COL8A1: variants seen among roughly 807,000 people sequenced by gnomAD.
COL8A1 encodes the protein collagen alpha-1(VIII) chain.
In COL8A1, 21 loss-of-function variants were observed where a neutral mutation model predicts 42.7. The ratio of observed to expected loss-of-function variants is 0.49; its 90% confidence interval spans 0.35 to 0.71. COL8A1 has a LOEUF of 0.71. COL8A1 is among the 30% of genes least tolerant of loss of function. The pLI is 0.01. For synonymous variants in COL8A1, 367 were observed against 369.1 expected (o/e 0.99, Z 0.06); for missense variants, 788 against 962.4 (o/e 0.82, Z 2.40).
chr3:99,721,788 G>A (rs546210639), intron 1 of COL8A1, among the ~76,000 whole-genome samples: 1 of 152,116 alleles, frequency 6.6e-6, no homozygotes, highest in South Asian at 2.1e-4. Context: ...CAAGTGAAAG[G>A]GCAGAGGAAA....
chr3:99,792,142 A>T (rs1027811563), intron 3 of COL8A1, among the ~76,000 whole-genome samples: 2 of 152,182 alleles, frequency 1.3e-5, no homozygotes, highest in Non-Finnish European at 2.9e-5. Flanking sequence ...TACTATAATC[A>T]TATCTATTCA....
intron 2 of COL8A1, among the ~76,000 whole-genome samples, chr3:99,762,115 A>G (rs975755851): frequency 3.3e-5 from 5 of 152,176 alleles, no homozygotes; most frequent in Non-Finnish European, 5.9e-5. Flanking sequence ...CTTCTCAGAA[A>G]TATCATTTTT....
chr3:99,708,930 C>T (rs1607993), intron 1 of COL8A1, among the ~76,000 whole-genome samples: 104,571 of 151,634 alleles, frequency 0.69, 36,273 homozygotes, highest in East Asian at 0.75. Context: ...TCCAAATGCT[C>T]ACCTGAGAAT....
At chr3:99,658,516 C>T (rs1470051260) in intron 1 of COL8A1, among the ~76,000 whole-genome samples, 1 of 152,196 alleles carries the variant, frequency 6.6e-6, no homozygotes, top group Non-Finnish European at 1.5e-5. Context: ...AACTAACTGT[C>T]TCCATGGCTA....
chr3:99,666,067 G>T (rs1331738260), intron 1 of COL8A1, among the ~76,000 whole-genome samples: 1 of 152,014 alleles, frequency 6.6e-6, no homozygotes, highest in East Asian at 1.9e-4. Flanking sequence ...AAATCTTCTG[G>T]AAGAAACCTG....
intron 1 of COL8A1, among the ~76,000 whole-genome samples, chr3:99,701,155 C>A (rs1469760844): frequency 2.6e-5 from 4 of 152,186 alleles, no homozygotes; most frequent in African/African-American, 9.7e-5. Context: ...GCTGAGGCAA[C>A]TGGGAAACAC....
intron 1 of COL8A1, among the ~76,000 whole-genome samples, chr3:99,643,698 T>C (rs971247660): frequency 2.0e-5 from 3 of 152,232 alleles, no homozygotes. Flanking sequence ...GCCGTTTTCC[T>C]GTCTGCAATA....
chr3:99,702,768 G>C (rs1939577105), intron 1 of COL8A1, among the ~76,000 whole-genome samples: 1 of 152,204 alleles, frequency 6.6e-6, no homozygotes, highest in African/African-American at 2.4e-5. Flanking sequence ...GTCAGAGTTA[G>C]CAAGCAAGCA....
intron 1 of COL8A1, chr3:99,679,426 A>C (rs981566298): frequency 2.0e-5 from 3 of 152,100 alleles, no homozygotes; most frequent in Non-Finnish European, 4.4e-5. Context: ...TAGAAAAAGT[A>C]TATCTATCCA....
chr3:99,709,350 TTCCA>T (rs1176891269), intron 1 of COL8A1, among the ~76,000 whole-genome samples: 2 of 152,136 alleles, frequency 1.3e-5, no homozygotes, highest in Admixed American at 1.3e-4. Flanking sequence ...CACTCCACCC[TTCCA>T]TAGTCCCTGT....
chr3:99,649,787 T>TCACA (rs151279535), intron 1 of COL8A1, among the ~76,000 whole-genome samples: 1 of 149,698 alleles, frequency 6.7e-6, no homozygotes, highest in Non-Finnish European at 1.5e-5. Flanking sequence ...TCTCTCTCTG[T>TCACA]CACACACACA....
chr3:99,697,645 A>T (rs957142575), intron 1 of COL8A1, among the ~76,000 whole-genome samples: 11 of 152,284 alleles, frequency 7.2e-5, no homozygotes, highest in African/African-American at 2.4e-4. Flanking sequence ...AACAATGAGG[A>T]CTACAAATTC....
At chr3:99,688,214 T>C (rs191055617) in intron 1 of COL8A1, among the ~76,000 whole-genome samples, 29 of 152,332 alleles carry the variant, frequency 1.9e-4, no homozygotes, top group Non-Finnish European at 1.9e-4. Context: ...CCACCACAAA[T>C]TTAGTGTCAT....
chr3:99,681,545 AC>A (rs1252800038), intron 1 of COL8A1, among the ~76,000 whole-genome samples: 1 of 152,190 alleles, frequency 6.6e-6, no homozygotes, highest in Non-Finnish European at 1.5e-5. Context: ...TAGTCTAGAA[AC>A]AAAAACTATG....
intron 1 of COL8A1, among the ~76,000 whole-genome samples, chr3:99,730,034 C>T (rs1364850546): frequency 2.6e-5 from 4 of 152,118 alleles, no homozygotes; most frequent in African/African-American, 9.7e-5. Context: ...CCTTAAAAAA[C>T]TTGAAACCAA....
intron 1 of COL8A1, among the ~76,000 whole-genome samples, chr3:99,712,236 T>C (rs1018198326): frequency 1.3e-5 from 2 of 152,162 alleles, no homozygotes; most frequent in Admixed American, 6.6e-5. Context: ...GGTACTTTCT[T>C]TGAGGAAAAA....
At chr3:99,641,075 T>A (rs554037914) in intron 1 of COL8A1, among the ~76,000 whole-genome samples, 3 of 152,296 alleles carry the variant, frequency 2.0e-5, no homozygotes, top group Admixed American at 1.3e-4. Flanking sequence ...GTCAAAATTA[T>A]AAAATGATAT....
intron 1 of COL8A1, among the ~76,000 whole-genome samples, chr3:99,743,829 C>A (rs1490544946): frequency 1.3e-5 from 2 of 152,110 alleles, no homozygotes; most frequent in Non-Finnish European, 2.9e-5. Context: ...ATACCCAGTT[C>A]TGCATTTATA....
At chr3:99,741,775 C>A (rs1446653166) in intron 1 of COL8A1, among the ~76,000 whole-genome samples, 4 of 152,164 alleles carry the variant, frequency 2.6e-5, no homozygotes, top group African/African-American at 7.2e-5. Context: ...AGCCTCACGG[C>A]CTTTTGTGAT....
Sources: allele counts gnomAD v4.1 joint callset (sites outside exome capture counted in the v4.1 genomes callset), GRCh38; gene constraint gnomAD v4.1.1; transcripts MANE v1.5; gene names NCBI Gene and HGNC (gene_info 2026-07-23, HGNC 2026-07-21).